The following YPEL1 variants were observed in gnomAD, a reference collection of about 807,000 sequenced individuals.
YPEL1 encodes the protein yippee like 1, also known as protein yippee-like 1.
A neutral mutation model predicts 17.3 loss-of-function variants in YPEL1; 7 were observed. That is an observed-to-expected ratio of 0.40 (90% confidence interval 0.23 to 0.76). The LOEUF (loss-of-function observed/expected upper bound fraction) is 0.76. Among genes scored for constraint, YPEL1 ranks in the 30% least tolerant of loss-of-function variants. The pLI is 0.35. For synonymous variants in YPEL1, 59 were observed against 59.6 expected (o/e 0.99, Z 0.05); for missense variants, 91 against 155.5 (o/e 0.59, Z 2.21).
chr22:21,707,942 G>C (rs1013258639), intron 2 of YPEL1, among the ~76,000 whole-genome samples: 2 of 152,214 alleles, frequency 1.3e-5, no homozygotes, highest in African/African-American at 4.8e-5. Context: ...TTGGACCACA[G>C]ATCAGAGTTT....
At chr22:21,722,224 C>T (rs895457414) in intron 1 of YPEL1, among the ~76,000 whole-genome samples, 1 of 152,184 alleles carries the variant, frequency 6.6e-6, no homozygotes, top group Admixed American at 6.5e-5. Context: ...CAAGACCAGC[C>T]TGGCCAATAT....
chr22:21,728,378 A>G (rs892672759), intron 1 of YPEL1, among the ~76,000 whole-genome samples: 12 of 152,084 alleles, frequency 7.9e-5, no homozygotes. Context: ...AACGGATAAA[A>G]CCACCAGCTC....
In YPEL1 at chr22:21,710,863, G is replaced by A; in HGVS notation, c.-119C>T. 1 of 880,150 alleles carries A rather than the reference G, an allele frequency of 1.1e-6. No homozygotes were observed. The highest frequency in any genetic ancestry group is 1.9e-6 in the Non-Finnish European group (1 of 523,564). The allele number at this position is 880,150 out of a possible 1,614,324, so 54.5% of individuals were successfully genotyped here. On this transcript the variant is annotated 5_prime_UTR_variant, in exon 2 of 5. Transcript: ENST00000339468. ...CGCAAGAGCCGTCGTTGTCCAGGAG[G>A]GCGTGTGGCACTGTCCACACAGCTG...
intron 4 of YPEL1, among the ~76,000 whole-genome samples, chr22:21,702,996 T>C (rs1205561972): frequency 2.6e-5 from 4 of 152,200 alleles, no homozygotes; most frequent in Non-Finnish European, 5.9e-5. Flanking sequence ...TGAGGTCTTC[T>C]AGACTTGTCC....
intron 1 of YPEL1, among the ~76,000 whole-genome samples, chr22:21,722,168 C>T (rs1481076297): frequency 1.3e-5 from 2 of 152,104 alleles, no homozygotes; most frequent in African/African-American, 2.4e-5. Context: ...CTTGTAATCC[C>T]AGCACTTTCG....
Position 21,703,557 on chromosome 22 carries a change from C to G in YPEL1, c.162-79G>C. ...CCCTGCCCCCTCAGCGGGCCCCACCCCATCCTCCTAAGAGTTCCCCCAAAA... is the reference window on the plus strand; with the variant it reads ...CCCTGCCCCCTCAGCGGGCCCCACCGCATCCTCCTAAGAGTTCCCCCAAAA... On this transcript the variant is annotated intron_variant, in intron 3 of 4. Coordinates refer to ENST00000339468, the MANE Select transcript of YPEL1 (RefSeq NM_013313.5). This position sits in a 1 kb window ranked among gnomAD's most constrained non-coding sequence, Gnocchi z 6.1. The G allele has an allele frequency of 7.5e-7, 1 of 1,340,938 alleles. No homozygotes were observed. The highest frequency in any genetic ancestry group is 1.1e-6 in the Non-Finnish European group (1 of 950,670). The allele number at this position is 1,340,938 out of a possible 1,614,324, so 83.1% of individuals were successfully genotyped here. A position where few individuals can be genotyped will look rare whatever the true frequency, so the allele number is the denominator to read the frequency against.
chr22:21,734,974 GTTCA>G (rs922478323), intron 1 of YPEL1, among the ~76,000 whole-genome samples: 1 of 152,178 alleles, frequency 6.6e-6, no homozygotes, highest in Non-Finnish European at 1.5e-5. Flanking sequence ...TGTCTTCCAT[GTTCA>G]TTATCTGCCT....
Position 21,703,237 on chromosome 22 carries a change from C to T in YPEL1, c.270+133G>A. ...CCTCACTGGAGTCTGGACTTCCCAC[C>T]TCGGCTGAGGAACTGGGGTTTCTGA... On this transcript the variant is annotated intron_variant, in intron 4 of 4. Transcript: ENST00000339468. The surrounding 1 kb of genome is among the most constrained non-coding windows in gnomAD (Gnocchi z 6.1). The T allele has an allele frequency of 2.6e-6, 2 of 762,786 alleles. No individual in the cohort carries two copies. The highest frequency in any genetic ancestry group is 4.7e-4 in the Middle Eastern group (2 of 4,274). The allele number at this position is 762,786 out of a possible 1,614,324, so 47.3% of individuals were successfully genotyped here.
At chr22:21,701,770 C>T (rs983205615) in intron 4 of YPEL1, among the ~76,000 whole-genome samples, 9 of 152,170 alleles carry the variant, frequency 5.9e-5, no homozygotes, top group South Asian at 2.1e-4. Flanking sequence ...AGGTCAAAGA[C>T]ATCTGGAGGC....
Position 21,722,266 on chromosome 22 carries a change from A to G in YPEL1, c.-164-11358T>C, listed in dbSNP as rs1871336560. ...ACCCCATCTCTACTAAAAATACAAA[A>G]TTAGCCAGATGTGGTGGCACGTGCC... On this transcript the variant is annotated intron_variant, in intron 1 of 4. Coordinates refer to ENST00000339468, the MANE Select transcript of YPEL1 (RefSeq NM_013313.5). Among the ~76,000 whole-genome samples, 3 of 152,128 alleles carry G rather than the reference A, an allele frequency of 2.0e-5. No individual in the cohort carries two copies. In the South Asian group the frequency reaches 6.2e-4, roughly 31 times the overall value.
At chr22:21,701,240 G>T (rs745487464) in intron 4 of YPEL1, 22 bp from the exon 5 acceptor site, 65 of 1,591,138 alleles carry the variant, frequency 4.1e-5, no homozygotes, top group Non-Finnish European at 5.2e-5. Context: ...AGAGACAAAG[G>T]TTTCAGGACA....
intron 1 of YPEL1, among the ~76,000 whole-genome samples, chr22:21,714,653 C>T (rs772691108): frequency 6.6e-6 from 1 of 152,142 alleles, no homozygotes; most frequent in Non-Finnish European, 1.5e-5. Context: ...TGGAACAATC[C>T]CAGGAGCAGA....
At chr22:21,721,316 C>T (rs543743336) in intron 1 of YPEL1, among the ~76,000 whole-genome samples, 1 of 151,682 alleles carries the variant, frequency 6.6e-6, no homozygotes, top group South Asian at 2.1e-4. Flanking sequence ...GATGAGGTTT[C>T]ACCATGTTAG....
chr22:21,707,176 C>T (rs1186266451), intron 2 of YPEL1, among the ~76,000 whole-genome samples: 12 of 152,118 alleles, frequency 7.9e-5, no homozygotes, highest in South Asian at 2.1e-4. Context: ...CCAGCACTTT[C>T]GGAGGCCAAA....
At chr22:21,707,193 G>A (rs574642637) in intron 2 of YPEL1, among the ~76,000 whole-genome samples, 4 of 152,148 alleles carry the variant, frequency 2.6e-5, no homozygotes, top group Non-Finnish European at 5.9e-5. Context: ...CAAAGTGGGA[G>A]GATCACTTGA....
Position 21,704,216 on chromosome 22 carries a change from TC to T in YPEL1, c.118-335del, listed in dbSNP as rs1055321261. 6 of 715,008 alleles carry T rather than the reference TC, an allele frequency of 8.4e-6. No homozygotes were observed. In the African/African-American group the frequency reaches 1.0e-4, roughly 12 times the overall value. 44.3% of individuals were successfully genotyped at this position (715,008 alleles called of 1,614,324 possible). ...ACCTTAGAGGAGTTCTGAGAGGGGA[TC>T]ACGAATGATTTTCTCTACCCGAAAA... On this transcript the variant is annotated intron_variant, in intron 2 of 4. Transcript: ENST00000339468.
At chr22:21,704,878 C>T (rs1038218957) in intron 2 of YPEL1, among the ~76,000 whole-genome samples, 3 of 152,186 alleles carry the variant, frequency 2.0e-5, no homozygotes, top group Non-Finnish European at 4.4e-5. Flanking sequence ...CCTCACGGGA[C>T]AGGTGGGAAC....
chr22:21,717,221 C>CA (rs1377317017), intron 1 of YPEL1, among the ~76,000 whole-genome samples: 2 of 151,846 alleles, frequency 1.3e-5, no homozygotes, highest in East Asian at 1.9e-4. Context: ...ACTAAAAATA[C>CA]AAAAATTAGC....
At chr22:21,734,443 CA>C (rs1810855208) in intron 1 of YPEL1, among the ~76,000 whole-genome samples, 2 of 152,030 alleles carry the variant, frequency 1.3e-5, no homozygotes, top group Admixed American at 6.6e-5. Flanking sequence ...AAAGTTTTTC[CA>C]AAATAAGAAG....
Sources: gnomAD v4.1 joint callset for allele counts (sites outside exome capture counted in the v4.1 genomes callset) on GRCh38, gnomAD v4.1.1 for gene constraint, Gnocchi (gnomAD v3.1) non-coding constraint, MANE v1.5 for transcripts, NCBI Gene and HGNC (gene_info 2026-07-23, HGNC 2026-07-21) for gene names.